The following SULT1E1 variants were observed in gnomAD, a reference collection of about 807,000 sequenced individuals.
SULT1E1 encodes sulfotransferase 1E1.
A neutral mutation model predicts 33.6 loss-of-function variants in SULT1E1; 36 were observed. The ratio of observed to expected loss-of-function variants is 1.07; its 90% CI spans 0.82 to 1.41. SULT1E1 has a LOEUF of 1.41. Ranked by LOEUF, SULT1E1 falls within the 40% of genes most tolerant of loss-of-function variation. The pLI, the probability that SULT1E1 is intolerant of heterozygous loss-of-function variation, is 0.00. For missense variants in SULT1E1, 371 were observed against 345.7 expected (o/e 1.07, Z -0.58); for synonymous variants, 121 against 111.7 (o/e 1.08, Z -0.53).
chr4:69,842,179 C>G (rs1268875424), intron 7 of SULT1E1, 73 bp from the exon 8 acceptor site: 2 of 792,164 alleles, frequency 2.5e-6, no homozygotes, highest in African/African-American at 3.5e-5. Context: ...AATTTCATCA[C>G]TTTCATTAAC....
intron 1 of SULT1E1, among the ~76,000 whole-genome samples, chr4:69,858,724 A>G (rs1349934810): frequency 6.6e-6 from 1 of 152,168 alleles, no homozygotes. Context: ...TCCAAAATGC[A>G]TATTAGCCTT....
chr4:69,824,336 G>A, the SULT1E1 span, among the ~76,000 whole-genome samples: 2 of 152,100 alleles, frequency 1.3e-5, no homozygotes, highest in African/African-American at 4.8e-5. Context: ...GGATCCCTAT[G>A]GCCATTCCTT....
intron 5 of SULT1E1, among the ~76,000 whole-genome samples, chr4:69,848,087 GGTGTGT>G (rs3077575): frequency 0.033 from 4,842 of 148,324 alleles, 106 homozygotes; most frequent in African/African-American, 0.064. Context: ...TGTTGAAACT[GGTGTGT>G]GTGTGTGTGT....
At chr4:69,822,619 G>T in the SULT1E1 span, among the ~76,000 whole-genome samples, 1 of 152,144 alleles carries the variant, frequency 6.6e-6, no homozygotes, top group Non-Finnish European at 1.5e-5. Flanking sequence ...AAGGAGTCAA[G>T]AATTACTCTA....
chr4:69,856,529 G>A (rs111403645), intron 2 of SULT1E1, among the ~76,000 whole-genome samples: 10 of 152,312 alleles, frequency 6.6e-5, no homozygotes, highest in African/African-American at 2.4e-4. Flanking sequence ...AGATGAATAA[G>A]CAAGAGAGAT....
chr4:69,830,917 C>A, the SULT1E1 span, among the ~76,000 whole-genome samples: 2 of 152,196 alleles, frequency 1.3e-5, no homozygotes, highest in African/African-American at 4.8e-5. Flanking sequence ...CACTCTGCCC[C>A]CTGGATGTGG....
chr4:69,858,447 T>C (rs1721296763), intron 1 of SULT1E1, among the ~76,000 whole-genome samples: 1 of 152,134 alleles, frequency 6.6e-6, no homozygotes, highest in Admixed American at 6.5e-5. Context: ...TTTCTTTCAT[T>C]AGCTTTCAAA....
the SULT1E1 span, among the ~76,000 whole-genome samples, chr4:69,834,473 C>T: frequency 2.6e-5 from 4 of 152,296 alleles, no homozygotes; most frequent in South Asian, 8.3e-4. Flanking sequence ...ACCATCACTT[C>T]AATTGCCCAC....
Position 69,857,617 on chromosome 4 carries a change from T to C in SULT1E1, c.28A>G (p.Lys10Glu). 2.5e-6 allele frequency: 4 copies of C among 1,605,880 alleles called. No homozygotes were observed. Among genetic ancestry groups the C allele is most frequent in the Non-Finnish European group, 3.4e-6 (4 of 1,177,736 alleles). The change falls in exon 2 of 8, where the codon AAG (lysine) becomes GAG (glutamate). Residue 10 changes from lysine (K) to glutamate (E), a missense_variant. Lys to Glu is a moderately conservative substitution (Grantham distance 56). Coordinates refer to ENST00000226444, the MANE Select transcript of SULT1E1 (RefSeq NM_005420.3). MNSELDYYE[K>E]FEEVHGILMY... ...AGAATCCCATGGACTTCTTCAAACT[T>C]TTCATAATAGTCAAGTTCAGAATTC... is the stretch of plus-strand genomic sequence containing the variant.
chr4:69,857,050 C>T (rs1721255962), intron 2 of SULT1E1, among the ~76,000 whole-genome samples: 1 of 149,768 alleles, frequency 6.7e-6, no homozygotes, highest in Non-Finnish European at 1.5e-5. Flanking sequence ...TCGGACTAGT[C>T]TAATTTCTAA....
At chr4:69,823,549 G>A in the SULT1E1 span, among the ~76,000 whole-genome samples, 7 of 151,954 alleles carry the variant, frequency 4.6e-5, no homozygotes, top group Non-Finnish European at 1.0e-4. Context: ...CTGCCCTCTG[G>A]TGCCACCTAC....
chr4:69,844,168 C>T lies in SULT1E1; in HGVS notation c.765G>A (p.Met255Ile), dbSNP rs1279885651. Residue 255 changes from methionine (M) to isoleucine (I), a missense_variant, in exon 7 of 8, where the codon ATG becomes ATA. Met to Ile is a conservative substitution (Grantham distance 10). Coordinates refer to ENST00000226444, the MANE Select transcript of SULT1E1 (RefSeq NM_005420.3). The part of the protein sequence containing the change: ...EIMNQKLSPF[M>I]RKGITGDWKN... ...AAACCACATTTTTCTCACCCTTTCTCATGAAGGGCGACAATTTCTGGTTCA... is the reference window on the plus strand; with the variant it reads ...AAACCACATTTTTCTCACCCTTTCTTATGAAGGGCGACAATTTCTGGTTCA... The T allele has an allele frequency of 6.2e-7, 1 of 1,613,926 alleles. No individual in the cohort carries two copies. Among genetic ancestry groups the T allele is most frequent in the Non-Finnish European group, 8.5e-7 (1 of 1,179,878 alleles).
the SULT1E1 span, among the ~76,000 whole-genome samples, chr4:69,824,396 T>C: frequency 7.2e-5 from 11 of 152,182 alleles, no homozygotes; most frequent in African/African-American, 2.7e-4. Context: ...CTGGCAGCCC[T>C]AAAGCTGGAG....
chr4:69,827,526 C>A, the SULT1E1 span, among the ~76,000 whole-genome samples: 1 of 152,164 alleles, frequency 6.6e-6, no homozygotes, highest in Non-Finnish European at 1.5e-5. Flanking sequence ...CTTCCTCAAG[C>A]AGCTACAAGA....
chr4:69,844,178 G>A lies in SULT1E1; in HGVS notation c.755C>T (p.Ser252Leu), dbSNP rs761157490. The part of the protein sequence containing the change: ...LPDEIMNQKL[S>L]PFMRKGITGD... ...TTTCTCACCCTTTCTCATGAAGGGC[G>A]ACAATTTCTGGTTCATAATTTCGTC... Residue 252 changes from serine to leucine, a missense_variant, in exon 7 of 8, where the codon TCG (serine) becomes TTG (leucine). Coordinates refer to ENST00000226444, the MANE Select transcript of SULT1E1 (RefSeq NM_005420.3). 3.1e-5 allele frequency: 50 copies of A among 1,613,700 alleles called. No individual in the cohort carries two copies. The highest frequency in any genetic ancestry group is 2.0e-4 in the South Asian group (18 of 91,060).
chr4:69,852,206 T>C (rs1228614369), intron 4 of SULT1E1, among the ~76,000 whole-genome samples: 1 of 152,154 alleles, frequency 6.6e-6, no homozygotes, highest in Non-Finnish European at 1.5e-5. Flanking sequence ...TCTAAGCTTG[T>C]GGCCATTCCC....
At chr4:69,842,318 C>A (rs1047796566) in intron 7 of SULT1E1, among the ~76,000 whole-genome samples, 2 of 152,038 alleles carry the variant, frequency 1.3e-5, no homozygotes, top group Non-Finnish European at 2.9e-5. Flanking sequence ...AAATTTAATT[C>A]TCTGATTCTT....
chr4:69,848,042 C>G (rs777740886), intron 5 of SULT1E1, among the ~76,000 whole-genome samples: 1 of 151,188 alleles, frequency 6.6e-6, no homozygotes, highest in African/African-American at 2.4e-5. Flanking sequence ...AGGGAAAGTT[C>G]TCTCATCAAT....
chr4:69,837,095 A>G (rs1031148603), downstream of SULT1E1, among the ~76,000 whole-genome samples: 3 of 152,124 alleles, frequency 2.0e-5, no homozygotes, highest in Admixed American at 1.3e-4. Context: ...TCAAAAAAAA[A>G]AAAAAATGTA....
Sources: gnomAD v4.1 joint callset for allele counts (sites outside exome capture counted in the v4.1 genomes callset) on GRCh38, gnomAD v4.1.1 for gene constraint, MANE v1.5 for transcripts, NCBI Gene and HGNC (gene_info 2026-07-23, HGNC 2026-07-21) for gene names.